The following PRKN variants were observed in gnomAD, a reference collection of about 807,000 sequenced individuals.
PRKN encodes the protein E3 ubiquitin-protein ligase parkin.
PRKN carries 56 observed loss-of-function variants against 59.5 expected under a neutral mutation model. The observed-to-expected ratio is 0.94, with a 90% CI of 0.76 to 1.18. The LOEUF is 1.18. Ranked by LOEUF, PRKN falls within the 50% of genes most tolerant of loss-of-function variation. PRKN has a pLI of 0.00. For missense variants in PRKN, 657 were observed against 596.4 expected, an observed-to-expected ratio of 1.10 and a Z score of -1.06; for synonymous variants, 250 against 222.1, an observed-to-expected ratio of 1.13 and a Z score of -1.12.
intron 1 of PRKN, among the ~76,000 whole-genome samples, chr6:162,471,693 A>C (rs779403816): frequency 6.6e-6 from 1 of 152,236 alleles, no homozygotes; most frequent in Non-Finnish European, 1.5e-5. Context: ...AATTATACAG[A>C]AGTGCAAAAA....
chr6:162,676,706 CTGAGA>C (rs1290084539), intron 1 of PRKN, among the ~76,000 whole-genome samples: 1 of 152,134 alleles, frequency 6.6e-6, no homozygotes, highest in Non-Finnish European at 1.5e-5. Context: ...GAATGTGAGG[CTGAGA>C]TATGTTTTTA....
At chr6:162,676,325 G>A (rs1165230746) in intron 1 of PRKN, among the ~76,000 whole-genome samples, 2 of 151,502 alleles carry the variant, frequency 1.3e-5, no homozygotes, top group African/African-American at 2.4e-5. Context: ...GTTTTGATGA[G>A]TTTCCATACC....
intron 6 of PRKN, among the ~76,000 whole-genome samples, chr6:161,897,954 G>C (rs182284298): frequency 2.1e-4 from 8 of 38,632 alleles, no homozygotes; most frequent in Admixed American, 8.4e-4. Context: ...GTGACAGAGC[G>C]AGACTCCGTC....
chr6:162,510,832 A>G (rs2128190342), intron 1 of PRKN, among the ~76,000 whole-genome samples: 1 of 152,270 alleles, frequency 6.6e-6, no homozygotes, highest in Admixed American at 6.5e-5. Flanking sequence ...CTGAGGCAGG[A>G]GAATCGCTTG....
Position 161,355,150 on chromosome 6 carries a change from C to T in PRKN, c.1285+4938G>A, listed in dbSNP as rs563948076. Reference sequence around the variant, plus strand: ...GAACACGAGCAGCAGGGGCTGCCTCCGCACACCGGCGCGCGCACACCCGGT... The same window carrying T: ...GAACACGAGCAGCAGGGGCTGCCTCTGCACACCGGCGCGCGCACACCCGGT... On this transcript the variant is annotated intron_variant, in intron 11 of 11. Transcript: ENST00000366898. The surrounding 1 kb of genome is among the most constrained non-coding windows in gnomAD (Gnocchi z 6.8). 3.3e-5 allele frequency among the ~76,000 whole-genome samples: 5 copies of T among 152,354 alleles called. No homozygotes were observed. In the East Asian group the frequency reaches 5.8e-4, roughly 18 times the overall value.
intron 1 of PRKN, among the ~76,000 whole-genome samples, chr6:162,495,011 T>C (rs1411742443): frequency 6.6e-6 from 1 of 152,136 alleles, no homozygotes; most frequent in East Asian, 1.9e-4. Flanking sequence ...TTCAGTAAGA[T>C]ATTTCACTGT....
At chr6:161,711,616 C>A (rs1274996792) in intron 7 of PRKN, among the ~76,000 whole-genome samples, 2 of 152,090 alleles carry the variant, frequency 1.3e-5, no homozygotes, top group African/African-American at 4.8e-5. Flanking sequence ...AAGTATTTTT[C>A]CTGGGTGTTT....
chr6:161,670,844 A>G (rs961577575), intron 7 of PRKN, among the ~76,000 whole-genome samples: 4 of 151,506 alleles, frequency 2.6e-5, no homozygotes, highest in Non-Finnish European at 5.9e-5. Flanking sequence ...AACAAAACCC[A>G]CCAGTCACAT....
intron 2 of PRKN, among the ~76,000 whole-genome samples, chr6:162,391,398 C>T (rs1355473365): frequency 6.6e-6 from 1 of 151,450 alleles, no homozygotes; most frequent in Non-Finnish European, 1.5e-5. Context: ...ACGTGGATTT[C>T]GAACATCTGC....
At position 161,390,487 on chromosome 6, in the gene PRKN, T is replaced by G. The variant is rs566263869; in HGVS notation, c.1084-3610A>C. Among the ~76,000 whole-genome samples, 2 of 152,258 alleles carry G rather than the reference T, an allele frequency of 1.3e-5. No individual in the cohort carries two copies. Among genetic ancestry groups the G allele is most frequent in the East Asian group, 1.9e-4 (1 of 5,186 alleles). ...ATCCATTTGGAACAAAGATGTGATT[T>G]ATTTATTTATTTATTTATTGAGACA... On this transcript the variant is annotated intron_variant, in intron 9 of 11. Coordinates refer to ENST00000366898, the MANE Select transcript of PRKN (RefSeq NM_004562.3). This position sits in a 1 kb window ranked among gnomAD's most constrained non-coding sequence, Gnocchi z 7.0.
intron 1 of PRKN, among the ~76,000 whole-genome samples, chr6:162,446,417 C>T (rs530667355): frequency 2.0e-5 from 3 of 152,230 alleles, no homozygotes; most frequent in South Asian, 4.2e-4. Context: ...AATCATGGAA[C>T]TCCTACTGCA....
chr6:161,733,750 G>T (rs1787816593), intron 7 of PRKN, among the ~76,000 whole-genome samples: 3 of 122,840 alleles, frequency 2.4e-5, no homozygotes, highest in East Asian at 2.3e-4. Flanking sequence ...GCTTAGTATT[G>T]TTGAAAATTC....
At chr6:161,540,389 C>A (rs1779574913) in intron 9 of PRKN, among the ~76,000 whole-genome samples, 1 of 152,102 alleles carries the variant, frequency 6.6e-6, no homozygotes, top group South Asian at 2.1e-4. Context: ...AATTTCATCC[C>A]ATCTTCTCTA....
chr6:162,223,430 G>T lies in PRKN; in HGVS notation c.413-22178C>A, dbSNP rs528433750. 2.0e-5 allele frequency among the ~76,000 whole-genome samples: 3 copies of T among 152,136 alleles called. No homozygotes were observed. In the South Asian group the frequency reaches 6.2e-4, roughly 32 times the overall value. Reference sequence around the variant, plus strand: ...AATAGTGCTGCTAATAGCACTATTAGTAGCAGCAGTATAAACTGCAGTAAT... The same window carrying T: ...AATAGTGCTGCTAATAGCACTATTATTAGCAGCAGTATAAACTGCAGTAAT... On this transcript the variant is annotated intron_variant, in intron 3 of 11. Transcript: ENST00000366898.
intron 4 of PRKN, among the ~76,000 whole-genome samples, chr6:162,130,104 G>C (rs940824413): frequency 1.3e-5 from 2 of 151,984 alleles, no homozygotes; most frequent in African/African-American, 4.8e-5. Context: ...CCTACCAAAC[G>C]AAGAATGATC....
At chr6:161,641,656 T>C (rs558695057) in intron 7 of PRKN, among the ~76,000 whole-genome samples, 1 of 152,214 alleles carries the variant, frequency 6.6e-6, no homozygotes, top group African/African-American at 2.4e-5. Flanking sequence ...ATCGGCTCTG[T>C]CTAGGCAATG....
intron 1 of PRKN, among the ~76,000 whole-genome samples, chr6:162,683,857 G>T (rs1779867238): frequency 2.0e-5 from 3 of 152,038 alleles, no homozygotes; most frequent in Non-Finnish European, 4.4e-5. Context: ...AAAGAAGAAA[G>T]AAATTCATTT....
chr6:161,637,424 CAA>C (rs111543575), intron 7 of PRKN, among the ~76,000 whole-genome samples: 16 of 135,120 alleles, frequency 1.2e-4, no homozygotes, highest in African/African-American at 2.9e-4. Flanking sequence ...ATTCCTGTGG[CAA>C]AAAAAAAAAG....
At position 161,562,137 on chromosome 6, in the gene PRKN, C is replaced by T. The variant is rs1323220587; in HGVS notation, c.933+7218G>A. On this transcript the variant is annotated intron_variant, in intron 8 of 11. Coordinates refer to ENST00000366898, the MANE Select transcript of PRKN (RefSeq NM_004562.3). The surrounding 1 kb of genome is among the most constrained non-coding windows in gnomAD (Gnocchi z 4.3). Reference sequence around the variant, plus strand: ...CAAACACCATAAATCAGCATTCCTCCTCTGGAAGCCCCGCCTTCTTGGCTT... The same window carrying T: ...CAAACACCATAAATCAGCATTCCTCTTCTGGAAGCCCCGCCTTCTTGGCTT... 6.6e-6 allele frequency among the ~76,000 whole-genome samples: 1 copy of T among 152,038 alleles called. No individual in the cohort carries two copies. Among genetic ancestry groups the T allele is most frequent in the Admixed American group, 6.6e-5 (1 of 15,260 alleles).
Sources: allele counts gnomAD v4.1 joint callset (sites outside exome capture counted in the v4.1 genomes callset), GRCh38; gene constraint gnomAD v4.1.1; non-coding constraint Gnocchi (gnomAD v3.1); transcripts MANE v1.5; gene names NCBI Gene and HGNC (gene_info 2026-07-23, HGNC 2026-07-21).